CDH26: variants seen among roughly 807,000 people sequenced by gnomAD.
CDH26 encodes cadherin-like protein 26.
A neutral mutation model predicts 90.3 loss-of-function variants in CDH26; 83 were observed. That is an observed-to-expected ratio of 0.92 (90% CI 0.77 to 1.10). The LOEUF (loss-of-function observed/expected upper bound fraction) is 1.10, where lower values mean the gene tolerates loss of function less well. CDH26 is among the 50% of genes least tolerant of loss of function. The pLI is 0.00. For synonymous variants in CDH26, 397 were observed against 396.3 expected (o/e 1.00, Z -0.02); for missense variants, 1,013 against 1,037.6 (o/e 0.98, Z 0.33).
chr20:59,996,033 G>T lies in CDH26; in HGVS notation c.1867G>T (p.Ala623Ser), dbSNP rs757262362. The T allele has an allele frequency of 1.4e-5, 23 of 1,613,298 alleles. No individual in the cohort carries two copies. The highest frequency in any genetic ancestry group is 1.9e-5 in the Non-Finnish European group (22 of 1,180,018). ...LHVGALFPVC[A>S]AFVALAVALL... ...TGTGGGGGCCCTGTTCCCTGTCTGT[G>T]CAGCATTTGTGGCTCTGGCAGGTCA... The change falls in exon 12 of 18, where the codon GCA becomes TCA. Residue 623 changes from alanine to serine, a missense_variant. Ala to Ser is a moderately conservative substitution (Grantham distance 99). Transcript: ENST00000348616.
chr20:60,001,793 G>A (rs1028261697), intron 15 of CDH26, among the ~76,000 whole-genome samples: 1 of 152,196 alleles, frequency 6.6e-6, no homozygotes, highest in Non-Finnish European at 1.5e-5. Context: ...GCGAAAGGGA[G>A]GCCTGACTTC....
At chr20:60,009,589 A>G (rs1325902620) in intron 17 of CDH26, among the ~76,000 whole-genome samples, 8 of 152,062 alleles carry the variant, frequency 5.3e-5, no homozygotes, top group Non-Finnish European at 8.8e-5. Flanking sequence ...GCTTTATTCA[A>G]TGGAAGCTCG....
At chr20:60,029,134 A>G (rs914818134) in intron 7 of CDH26, among the ~76,000 whole-genome samples, 3 of 152,232 alleles carry the variant, frequency 2.0e-5, no homozygotes, top group African/African-American at 7.2e-5. Context: ...AAAGAGTCAG[A>G]TGAAAATGCA....
At chr20:60,034,773 C>T, downstream of CDH26, among the ~76,000 whole-genome samples, 1 of 152,202 alleles carries the variant, frequency 6.6e-6, no homozygotes, top group East Asian at 1.9e-4. Context: ...GTTTTACTTT[C>T]TGAAAGAGCC....
chr20:59,993,217 A>G (rs1308045393), intron 10 of CDH26, among the ~76,000 whole-genome samples: 1 of 152,124 alleles, frequency 6.6e-6, no homozygotes, highest in Non-Finnish European at 1.5e-5. Flanking sequence ...GGGTTCCGTC[A>G]TTCTGTTATG....
intron 7 of CDH26, 110 bp from the exon 8 acceptor site, chr20:59,987,343 C>G: frequency 1.1e-6 from 1 of 893,240 alleles, no homozygotes; most frequent in South Asian, 1.8e-5. Flanking sequence ...AACATTCTTT[C>G]TCCTTCTCTC....
Position 59,996,767 on chromosome 20 carries a change from G to A in CDH26, c.2019+6G>A, listed in dbSNP as rs748868565. ...GCAAAGGCACTTCAGCCCAGGTAGT[G>A]GAATGTCATGCTTTGTGTCTTATGG... On this transcript the variant is annotated splice_donor_region_variant and intron_variant, in intron 13 of 17. Transcript: ENST00000348616. The A allele has an allele frequency of 1.2e-6, 2 of 1,614,196 alleles. No homozygotes were observed. Among genetic ancestry groups the A allele is most frequent in the Non-Finnish European group, 1.7e-6 (2 of 1,180,038 alleles).
chr20:59,991,832 G>T (rs1009851374), intron 9 of CDH26, among the ~76,000 whole-genome samples: 2 of 152,192 alleles, frequency 1.3e-5, no homozygotes, highest in African/African-American at 2.4e-5. Flanking sequence ...TCCAATGGCT[G>T]ACAGCTCTCA....
At chr20:60,016,317 T>C (rs997048049), downstream of CDH26, among the ~76,000 whole-genome samples, 5 of 152,192 alleles carry the variant, frequency 3.3e-5, no homozygotes, top group Non-Finnish European at 5.9e-5. Flanking sequence ...AATCTTTTTT[T>C]GTAGAGGGTT....
chr20:60,034,276 T>C (rs2062067080), downstream of CDH26, among the ~76,000 whole-genome samples: 1 of 152,184 alleles, frequency 6.6e-6, no homozygotes, highest in African/African-American at 2.4e-5. Context: ...GGGAAGGCAA[T>C]GTCCCTCTGC....
At chr20:59,964,809 A>AGAGC (rs1310177079) in intron 1 of CDH26, among the ~76,000 whole-genome samples, 1 of 152,200 alleles carries the variant, frequency 6.6e-6, no homozygotes, top group East Asian at 1.9e-4. Flanking sequence ...ATGAATTTAC[A>AGAGC]GAGCTTTAGT....
intron 8 of CDH26, chr20:60,031,520 A>C: frequency 9.7e-7 from 1 of 1,032,928 alleles, no homozygotes; most frequent in Non-Finnish European, 1.2e-6. Flanking sequence ...CTTGAGAATT[A>C]AATCAATTGA....
chr20:59,972,225 G>A (rs2061271960), intron 4 of CDH26, 102 bp downstream of exon 4: 1 of 1,086,662 alleles, frequency 9.2e-7, no homozygotes, highest in East Asian at 2.5e-5. Context: ...CAGGTTCCGG[G>A]AGATTGAGAA....
At chr20:59,998,592 C>A (rs1284382536) in intron 13 of CDH26, among the ~76,000 whole-genome samples, 8 of 152,184 alleles carry the variant, frequency 5.3e-5, no homozygotes, top group Admixed American at 5.2e-4. Flanking sequence ...ACAAATCTTT[C>A]TCTTGTTTCC....
At position 59,969,041 on chromosome 20, in the gene CDH26, G is replaced by T. The variant is rs1292703223; in HGVS notation, c.126+18G>T. On this transcript the variant is annotated intron_variant, in intron 2 of 17. Transcript: ENST00000348616. Reference sequence around the variant, plus strand: ...AAACAAAGGTGAGGTTTGGAAGTCAGTTTCTTAATATATAAAATCAGTCTC... The same window carrying T: ...AAACAAAGGTGAGGTTTGGAAGTCATTTTCTTAATATATAAAATCAGTCTC... 1.9e-6 allele frequency: 3 copies of T among 1,545,854 alleles called. No individual in the cohort carries two copies. The highest frequency in any genetic ancestry group is 1.8e-6 in the Non-Finnish European group (2 of 1,119,688).
downstream of CDH26, among the ~76,000 whole-genome samples, chr20:60,016,991 A>G (rs2061910572): frequency 6.6e-6 from 1 of 151,852 alleles, no homozygotes; most frequent in African/African-American, 2.4e-5. Flanking sequence ...TTATCTTTTT[A>G]ATATATTTTT....
At position 59,970,103 on chromosome 20, in the gene CDH26, C is replaced by G. The variant is rs536661438; in HGVS notation, c.148C>G (p.Arg50Gly). The change falls in exon 3 of 18, where the codon CGG (arginine) becomes GGG (glycine). Residue 50 changes from arginine (R) to glycine (G), a missense_variant. Transcript: ENST00000348616. ...QTKEKIYQPLRRSKRRWVITT... is the reference protein window; with the variant it reads ...QTKEKIYQPLGRSKRRWVITT... Reference sequence around the variant, plus strand: ...CCAGGAAAAGATCTACCAGCCTCTACGGCGATCCAAGAGAAGATGGGTTAT... The same window carrying G: ...CCAGGAAAAGATCTACCAGCCTCTAGGGCGATCCAAGAGAAGATGGGTTAT... 7 of 1,613,820 alleles carry G rather than the reference C, an allele frequency of 4.3e-6. No homozygotes were observed. Among genetic ancestry groups the G allele is most frequent in the Non-Finnish European group, 5.9e-6 (7 of 1,179,832 alleles).
At chr20:59,978,614 TC>T (rs1317839200) in intron 4 of CDH26, among the ~76,000 whole-genome samples, 2 of 151,928 alleles carry the variant, frequency 1.3e-5, no homozygotes, top group African/African-American at 4.8e-5. Context: ...CCTCAGGTGG[TC>T]CCCCCACCTC....
intron 1 of CDH26, among the ~76,000 whole-genome samples, chr20:59,961,411 G>A (rs168977): frequency 0.13 from 19,563 of 152,202 alleles, 2,944 homozygotes; most frequent in African/African-American, 0.37. Flanking sequence ...TTCAATAGAT[G>A]TAAGAAGTTT....
Sources: gnomAD v4.1 joint callset for allele counts (sites outside exome capture counted in the v4.1 genomes callset) on GRCh38, gnomAD v4.1.1 for gene constraint, MANE v1.5 for transcripts, NCBI Gene and HGNC (gene_info 2026-07-23, HGNC 2026-07-21) for gene names.